The following SOCS5 variants were observed in gnomAD, a reference collection of about 807,000 sequenced individuals.
The protein encoded by SOCS5 is CIS-6.
Under a neutral mutation model 42.8 loss-of-function variants are expected in SOCS5, and 32 were observed. That is an observed-to-expected ratio of 0.75 (90% CI 0.56 to 1.01). The LOEUF (loss-of-function observed/expected upper bound fraction) is 1.01. Ranked by LOEUF, SOCS5 falls within the 50% of genes least tolerant of loss-of-function variation. The pLI, the probability that SOCS5 is intolerant of heterozygous loss-of-function variation, is 0.00. For missense variants in SOCS5, 627 were observed against 653.0 expected, an observed-to-expected ratio of 0.96 and a Z score of 0.43; for synonymous variants, 283 against 229.6, an observed-to-expected ratio of 1.23 and a Z score of -2.10.
chr2:46,727,263 C>T lies in SOCS5; in HGVS notation c.-13+27814C>T, dbSNP rs546667621. ...TCCCGGGTTCACGCCATTCTCCTGC[C>T]TCAGCCTCCCGAGTAGCGGAGCATT... On this transcript the variant is annotated intron_variant, in intron 1 of 1. Transcript: ENST00000394861. Among the ~76,000 whole-genome samples the T allele has an allele frequency of 2.0e-5, 3 of 151,580 alleles. No individual in the cohort carries two copies. In the South Asian group the frequency reaches 6.2e-4, roughly 32 times the overall value.
intron 1 of SOCS5, among the ~76,000 whole-genome samples, chr2:46,724,783 G>A (rs189851039): frequency 2.6e-5 from 4 of 152,106 alleles, no homozygotes; most frequent in African/African-American, 7.2e-5. Context: ...GGCCTAGGAT[G>A]TGATCTGTCT....
At chr2:46,733,671 T>C (rs767493767) in intron 1 of SOCS5, among the ~76,000 whole-genome samples, 11 of 152,174 alleles carry the variant, frequency 7.2e-5, no homozygotes, top group Non-Finnish European at 1.0e-4. Context: ...TAACATTCTT[T>C]CAAGCAAAAG....
chr2:46,731,916 C>T (rs1321306943), intron 1 of SOCS5, among the ~76,000 whole-genome samples: 1 of 152,182 alleles, frequency 6.6e-6, no homozygotes, highest in East Asian at 1.9e-4. Context: ...TGAAGGTAGT[C>T]ATGGGAAAAG....
chr2:46,709,906 A>G (rs1033844176), intron 1 of SOCS5, among the ~76,000 whole-genome samples: 9 of 152,206 alleles, frequency 5.9e-5, no homozygotes, highest in Admixed American at 5.2e-4. Context: ...ACATACTTCT[A>G]TAACAGCAAT....
At chr2:46,710,129 G>A (rs895028741) in intron 1 of SOCS5, among the ~76,000 whole-genome samples, 16 of 152,104 alleles carry the variant, frequency 1.1e-4, no homozygotes, top group African/African-American at 3.9e-4. Context: ...GTTTTTGGTG[G>A]TTGTTTTCCT....
intron 1 of SOCS5, among the ~76,000 whole-genome samples, chr2:46,722,750 T>C (rs1022517239): frequency 1.3e-5 from 2 of 152,124 alleles, no homozygotes; most frequent in African/African-American, 4.8e-5. Context: ...TATCAAGAGT[T>C]GCCAAACTGT....
At chr2:46,744,278 C>T (rs1673450229) in intron 1 of SOCS5, among the ~76,000 whole-genome samples, 1 of 152,158 alleles carries the variant, frequency 6.6e-6, no homozygotes, top group South Asian at 2.1e-4. Context: ...GCATGAGCCA[C>T]CACACCCAGC....
chr2:46,721,741 C>G (rs1422568400), intron 1 of SOCS5, among the ~76,000 whole-genome samples: 2 of 152,026 alleles, frequency 1.3e-5, no homozygotes, highest in African/African-American at 4.8e-5. Context: ...GAATTATAAT[C>G]CTCTGTGTGT....
At chr2:46,746,552 G>T (rs983731130) in intron 1 of SOCS5, among the ~76,000 whole-genome samples, 5 of 151,870 alleles carry the variant, frequency 3.3e-5, no homozygotes, top group African/African-American at 1.2e-4. Context: ...TCGGGAGGCT[G>T]AGGCAGGAGA....
At chr2:46,743,501 C>G (rs575832957) in intron 1 of SOCS5, among the ~76,000 whole-genome samples, 2 of 152,240 alleles carry the variant, frequency 1.3e-5, no homozygotes, top group East Asian at 3.9e-4. Flanking sequence ...AGAGATCACT[C>G]TTGTGGCCTT....
chr2:46,710,399 C>T (rs549601213), intron 1 of SOCS5, among the ~76,000 whole-genome samples: 9 of 152,280 alleles, frequency 5.9e-5, no homozygotes, highest in South Asian at 4.1e-4. Flanking sequence ...CCCACCTCAG[C>T]CTCCCAAAGT....
chr2:46,704,676 C>T (rs1032133735), intron 1 of SOCS5, among the ~76,000 whole-genome samples: 2 of 152,118 alleles, frequency 1.3e-5, no homozygotes, highest in African/African-American at 4.8e-5. Flanking sequence ...GTGACTAGAG[C>T]AGAAAGAATA....
At chr2:46,750,706 A>G (rs993704071) in intron 1 of SOCS5, among the ~76,000 whole-genome samples, 3 of 152,196 alleles carry the variant, frequency 2.0e-5, no homozygotes, top group African/African-American at 7.2e-5. Flanking sequence ...TTAATAGTTG[A>G]TAGGCATTTA....
intron 1 of SOCS5, among the ~76,000 whole-genome samples, chr2:46,743,102 T>C (rs954777384): frequency 3.9e-5 from 6 of 152,172 alleles, no homozygotes; most frequent in African/African-American, 1.4e-4. Context: ...AACTTGACTG[T>C]TAACTTTTTA....
In SOCS5 at chr2:46,699,372, G is replaced by A. The variant is rs1672289539; in HGVS notation, c.-90G>A. ...ACCGGAGGGCAGGCGGACTCGCCCT[G>A]TCGGTGACTGCGCCGTCCGGGCCCG... On this transcript the variant is annotated 5_prime_UTR_variant, in exon 1 of 2. Coordinates refer to ENST00000394861, the MANE Select transcript of SOCS5 (RefSeq NM_144949.3). The surrounding 1 kb of genome is among the most constrained non-coding windows in gnomAD (Gnocchi z 4.8). 6.6e-6 allele frequency: 1 copy of A among 152,034 alleles called. No homozygotes were observed. Among genetic ancestry groups the A allele is most frequent in the Non-Finnish European group, 1.5e-5 (1 of 67,964 alleles). The allele number at this position is 152,034 out of a possible 1,614,324, so 9.4% of individuals were successfully genotyped here. A position where few individuals can be genotyped will look rare whatever the true frequency, so the allele number is the denominator to read the frequency against.
At chr2:46,736,207 A>G (rs1411627695) in intron 1 of SOCS5, among the ~76,000 whole-genome samples, 1 of 151,826 alleles carries the variant, frequency 6.6e-6, no homozygotes, top group African/African-American at 2.4e-5. Flanking sequence ...ATGCCCAGCT[A>G]ATTTTTAACT....
intron 1 of SOCS5, among the ~76,000 whole-genome samples, chr2:46,702,122 A>T (rs970448475): frequency 6.6e-6 from 1 of 152,060 alleles, no homozygotes; most frequent in Non-Finnish European, 1.5e-5. Flanking sequence ...ACCTCACAGC[A>T]TAGTGGTGAG....
chr2:46,712,817 TTTTTG>T (rs1379747619), intron 1 of SOCS5, among the ~76,000 whole-genome samples: 1 of 152,104 alleles, frequency 6.6e-6, no homozygotes, highest in African/African-American at 2.4e-5. Context: ...TTGTTTTTGC[TTTTTG>T]TTTTGTTTCC....
intron 1 of SOCS5, among the ~76,000 whole-genome samples, chr2:46,708,830 C>T (rs1394244582): frequency 2.0e-5 from 3 of 147,518 alleles, no homozygotes; most frequent in Non-Finnish European, 4.5e-5. Flanking sequence ...TCCATGTTTG[C>T]TTCTTTGGGC....
Sources: gnomAD v4.1 joint callset for allele counts (sites outside exome capture counted in the v4.1 genomes callset) on GRCh38, gnomAD v4.1.1 for gene constraint, Gnocchi (gnomAD v3.1) non-coding constraint, MANE v1.5 for transcripts, NCBI Gene and HGNC (gene_info 2026-07-23, HGNC 2026-07-21) for gene names.